Variants in NELL2 observed in about 807,000 individuals in gnomAD.
NELL2 encodes the protein neural EGFL like 2.
In NELL2, 41 loss-of-function variants were observed where a neutral mutation model predicts 109.6. The ratio of observed to expected loss-of-function variants is 0.37; its 90% CI spans 0.29 to 0.49. The LOEUF (loss-of-function observed/expected upper bound fraction) is 0.49. Ranked by LOEUF, NELL2 falls within the 20% of genes least tolerant of loss-of-function variation. The pLI is 0.98. For synonymous variants in NELL2, 355 were observed against 344.7 expected (o/e 1.03, Z -0.33); for missense variants, 900 against 1,008.3 (o/e 0.89, Z 1.45).
chr12:44,770,062 T>C (rs1050305808), intron 9 of NELL2, among the ~76,000 whole-genome samples: 9 of 152,136 alleles, frequency 5.9e-5, no homozygotes, highest in Non-Finnish European at 1.3e-4. Flanking sequence ...ATCTTAGTAA[T>C]GTCACAATCT....
intron 15 of NELL2, among the ~76,000 whole-genome samples, chr12:44,544,062 G>A (rs1942691576): frequency 6.6e-6 from 1 of 152,122 alleles, no homozygotes; most frequent in South Asian, 2.1e-4. Flanking sequence ...ATGAAGGTAA[G>A]GGGCAGAACC....
At chr12:44,816,305 A>G (rs910138035) in intron 2 of NELL2, among the ~76,000 whole-genome samples, 169 bp from the exon 3 acceptor site, 3 of 152,214 alleles carry the variant, frequency 2.0e-5, no homozygotes, top group Non-Finnish European at 4.4e-5. Context: ...TATGCTATAT[A>G]TAATAACACA....
intron 13 of NELL2, among the ~76,000 whole-genome samples, chr12:44,664,532 T>C (rs150226876): frequency 4.5e-4 from 69 of 152,182 alleles, no homozygotes; most frequent in African/African-American, 1.4e-3. Flanking sequence ...AAAGACAAAG[T>C]GATACTTCTA....
chr12:44,875,887 T>G lies in NELL2; in HGVS notation c.-18A>C. 2 of 1,613,878 alleles carry G rather than the reference T, an allele frequency of 1.2e-6. No homozygotes were observed. The highest frequency in any genetic ancestry group is 1.7e-6 in the Non-Finnish European group (2 of 1,180,014). ...GACTCCATGGTGCGGATCAGCTCAG[T>G]CCATCGTCTCCCTCTTTAAAAATAA... On this transcript the variant is annotated 5_prime_UTR_variant, in exon 1 of 20. Coordinates refer to ENST00000429094, the MANE Select transcript of NELL2 (RefSeq NM_001145108.2).
At chr12:44,696,190 G>A (rs945227906) in intron 12 of NELL2, among the ~76,000 whole-genome samples, 7 of 152,134 alleles carry the variant, frequency 4.6e-5, no homozygotes, top group Admixed American at 2.6e-4. Flanking sequence ...TGATATAAAC[G>A]ATGAAGTTTA....
chr12:44,829,593 GAAA>G (rs1209085294), intron 2 of NELL2, among the ~76,000 whole-genome samples: 2 of 152,108 alleles, frequency 1.3e-5, no homozygotes, highest in African/African-American at 4.8e-5. Context: ...TTAAAGAAAA[GAAA>G]AAACCTTGAG....
chr12:44,705,774 A>AT (rs1566202593), intron 11 of NELL2, among the ~76,000 whole-genome samples: 1 of 152,234 alleles, frequency 6.6e-6, no homozygotes, highest in Non-Finnish European at 1.5e-5. Flanking sequence ...TACACAGAGA[A>AT]TTAAGAAACA....
intron 1 of NELL2, chr12:44,875,601 C>A (rs772890880): frequency 6.2e-7 from 1 of 1,613,478 alleles, no homozygotes. Flanking sequence ...CCCCCTCAGC[C>A]CTCCGACCCT....
chr12:44,638,103 G>A (rs1386391810), intron 13 of NELL2, among the ~76,000 whole-genome samples: 1 of 151,922 alleles, frequency 6.6e-6, no homozygotes, highest in East Asian at 1.9e-4. Context: ...AATTTACAAA[G>A]CATTCATTTC....
chr12:44,775,926 G>T (rs536376563), intron 8 of NELL2, 96 bp downstream of exon 8: 3 of 1,401,954 alleles, frequency 2.1e-6, no homozygotes, highest in African/African-American at 1.4e-5. Context: ...TTGAGGAAAT[G>T]GGTCTTGAAA....
chr12:44,842,849 C>G (rs757102202), intron 2 of NELL2, among the ~76,000 whole-genome samples: 1 of 151,590 alleles, frequency 6.6e-6, no homozygotes, highest in East Asian at 1.9e-4. Flanking sequence ...AAGAGGCCCA[C>G]GTGCAGATGG....
At chr12:44,687,954 A>G (rs1948780176) in intron 12 of NELL2, among the ~76,000 whole-genome samples, 1 of 152,204 alleles carries the variant, frequency 6.6e-6, no homozygotes. Context: ...GATACCTGCA[A>G]CTAATTTGTT....
intron 9 of NELL2, among the ~76,000 whole-genome samples, chr12:44,741,538 G>C (rs1939962955): frequency 1.3e-5 from 2 of 152,206 alleles, no homozygotes; most frequent in Admixed American, 6.5e-5. Flanking sequence ...AGGGGTCAGG[G>C]AATTCCCTTT....
intron 9 of NELL2, among the ~76,000 whole-genome samples, chr12:44,733,713 T>C (rs1178915159): frequency 6.6e-6 from 1 of 151,758 alleles, no homozygotes; most frequent in Non-Finnish European, 1.5e-5. Flanking sequence ...TATGTGTTTT[T>C]TATCCAAAAA....
At chr12:44,660,309 T>C (rs571566159) in intron 13 of NELL2, among the ~76,000 whole-genome samples, 2 of 152,150 alleles carry the variant, frequency 1.3e-5, no homozygotes, top group Non-Finnish European at 2.9e-5. Flanking sequence ...GTAAATCTTT[T>C]TGGAGGATGA....
At chr12:44,905,122 T>C (rs933220066) in intron 1 of NELL2, among the ~76,000 whole-genome samples, 6 of 152,260 alleles carry the variant, frequency 3.9e-5, no homozygotes, top group Non-Finnish European at 7.4e-5. Flanking sequence ...CAAACTATAA[T>C]GAACATTTCT....
chr12:44,569,062 T>A (rs1392150353), intron 15 of NELL2, among the ~76,000 whole-genome samples: 1 of 152,112 alleles, frequency 6.6e-6, no homozygotes. Context: ...GGCCCCAGTG[T>A]CTGTTGTTTT....
intron 9 of NELL2, among the ~76,000 whole-genome samples, chr12:44,761,481 G>T (rs1187099010): frequency 6.6e-6 from 1 of 152,038 alleles, no homozygotes; most frequent in East Asian, 1.9e-4. Context: ...ATTTCTCAAA[G>T]AACTAAAAAT....
At chr12:44,540,209 T>C (rs1388828143) in intron 15 of NELL2, among the ~76,000 whole-genome samples, 2 of 152,132 alleles carry the variant, frequency 1.3e-5, no homozygotes, top group Non-Finnish European at 2.9e-5. Context: ...CTTTTTTACT[T>C]CCAACCCTAT....
Sources: allele counts gnomAD v4.1 joint callset (sites outside exome capture counted in the v4.1 genomes callset), GRCh38; gene constraint gnomAD v4.1.1; transcripts MANE v1.5; gene names NCBI Gene and HGNC (gene_info 2026-07-23, HGNC 2026-07-21).